CCDC148: variants seen among roughly 807,000 people sequenced by gnomAD.
CCDC148 encodes coiled-coil domain containing 148, also known as coiled-coil domain-containing protein 148.
In CCDC148, 89 loss-of-function variants were observed where a neutral mutation model predicts 85.7. That is an observed-to-expected ratio of 1.04 (90% CI 0.87 to 1.24). The LOEUF is 1.24. CCDC148 is among the 50% of genes most tolerant of loss of function. CCDC148 has a pLI of 0.00. For synonymous variants in CCDC148, 230 were observed against 213.9 expected, an observed-to-expected ratio of 1.08 and a Z score of -0.66; for missense variants, 692 against 671.7, an observed-to-expected ratio of 1.03 and a Z score of -0.33.
At chr2:158,340,526 A>C in intron 4 of CCDC148, 72 bp downstream of exon 4, 2 of 1,383,148 alleles carry the variant, frequency 1.4e-6, no homozygotes, top group Non-Finnish European at 2.0e-6. Context: ...TTAAAAGAAC[A>C]TGAAGTGAGT....
In CCDC148 at chr2:158,193,845, C is replaced by T. The variant is rs187492662; in HGVS notation, c.1371-14849G>A. 3.1e-3 allele frequency among the ~76,000 whole-genome samples: 448 copies of T among 144,288 alleles called. 2 individuals are homozygous for T. Among genetic ancestry groups the T allele is most frequent in the African/African-American group, 0.011 (416 of 38,462 alleles). The allele number at this position is 144,288 out of a possible 152,430, so 94.7% of individuals were successfully genotyped here. ...TACAATTTTACATAAGGTATATCTCCTAATGCTATCCCTCCCCCCACCCCA... is the reference window on the plus strand; with the variant it reads ...TACAATTTTACATAAGGTATATCTCTTAATGCTATCCCTCCCCCCACCCCA... On this transcript the variant is annotated intron_variant, in intron 11 of 13. Coordinates refer to ENST00000283233, the MANE Select transcript of CCDC148 (RefSeq NM_138803.4).
intron 9 of CCDC148, among the ~76,000 whole-genome samples, chr2:158,259,531 C>T (rs1689135977): frequency 6.6e-6 from 1 of 151,938 alleles, no homozygotes; most frequent in South Asian, 2.1e-4. Context: ...AGCTGACATT[C>T]CTGACTTCAG....
intron 1 of CCDC148, among the ~76,000 whole-genome samples, chr2:158,388,517 G>T (rs1304315729): frequency 6.6e-6 from 1 of 151,700 alleles, no homozygotes; most frequent in Non-Finnish European, 1.5e-5. Context: ...ATTTTGAGAC[G>T]GAGCTTCACT....
At chr2:158,228,980 A>G (rs1687711439) in intron 10 of CCDC148, among the ~76,000 whole-genome samples, 1 of 20,582 alleles carries the variant, frequency 4.9e-5, no homozygotes, top group Non-Finnish European at 8.1e-5. Flanking sequence ...AAAAAAAAAG[A>G]AAATGAAAGA....
intron 1 of CCDC148, among the ~76,000 whole-genome samples, chr2:158,446,139 G>C (rs1187861682): frequency 4.6e-5 from 7 of 152,136 alleles, no homozygotes; most frequent in Non-Finnish European, 8.8e-5. Context: ...TTTGAGGCTA[G>C]GGGTTTAAGA....
chr2:158,393,026 T>G (rs1190113258), intron 1 of CCDC148, among the ~76,000 whole-genome samples: 2 of 152,120 alleles, frequency 1.3e-5, no homozygotes, highest in East Asian at 3.9e-4. Flanking sequence ...TTTAAGATAC[T>G]TGTCCATCTT....
intron 10 of CCDC148, among the ~76,000 whole-genome samples, chr2:158,240,336 C>T (rs1284131684): frequency 3.3e-5 from 5 of 151,690 alleles, no homozygotes; most frequent in Admixed American, 1.3e-4. Flanking sequence ...TTTTTGTGTT[C>T]ACATTTCAGG....
intron 1 of CCDC148, among the ~76,000 whole-genome samples, chr2:158,382,985 C>T (rs13427788): frequency 5.9e-5 from 9 of 151,408 alleles, no homozygotes; most frequent in Admixed American, 5.3e-4. Context: ...CAGTTTTACA[C>T]GTAAAAAAGT....
chr2:158,216,586 T>C (rs971655498), intron 11 of CCDC148, among the ~76,000 whole-genome samples: 1 of 151,918 alleles, frequency 6.6e-6, no homozygotes. Context: ...CATTTAATAA[T>C]ATAATACCAT....
chr2:158,320,759 C>G (rs950035513), intron 7 of CCDC148, among the ~76,000 whole-genome samples: 1 of 151,838 alleles, frequency 6.6e-6, no homozygotes, highest in Non-Finnish European at 1.5e-5. Flanking sequence ...GAATAGAAAC[C>G]CCTTATAAAT....
chr2:158,172,401 AT>A, intron 13 of CCDC148, 142 bp from the exon 14 acceptor site: 1 of 649,256 alleles, frequency 1.5e-6, no homozygotes, highest in Non-Finnish European at 2.6e-6. Flanking sequence ...CAGTGACTAT[AT>A]TTTGGAAACA....
intron 3 of CCDC148, among the ~76,000 whole-genome samples, chr2:158,343,363 A>T (rs1487427611): frequency 6.6e-6 from 1 of 152,170 alleles, no homozygotes; most frequent in African/African-American, 2.4e-5. Flanking sequence ...CTACAAATTA[A>T]CTTTCATCAT....
chr2:158,349,676 C>A (rs916489839), intron 2 of CCDC148, among the ~76,000 whole-genome samples: 1 of 151,850 alleles, frequency 6.6e-6, no homozygotes, highest in African/African-American at 2.4e-5. Context: ...AACTTGCCAC[C>A]TCTAAATTAA....
At chr2:158,308,138 G>T (rs552260118) in intron 9 of CCDC148, among the ~76,000 whole-genome samples, 1 of 152,268 alleles carries the variant, frequency 6.6e-6, no homozygotes, top group African/African-American at 2.4e-5. Flanking sequence ...CTTTTTGGTT[G>T]AACCATATGA....
chr2:158,326,448 TTC>T (rs1692781490), intron 7 of CCDC148, among the ~76,000 whole-genome samples: 1 of 152,328 alleles, frequency 6.6e-6, no homozygotes, highest in Admixed American at 6.5e-5. Flanking sequence ...TTCAGCATGT[TTC>T]TGTTTCATGA....
chr2:158,365,769 A>G lies in CCDC148; in HGVS notation c.26-7199T>C, dbSNP rs1428900717. ...GTGTATACCTATGTAACAAACCTTC[A>G]CATTCTGTACATGTACCCCAGAACT... On this transcript the variant is annotated intron_variant, in intron 1 of 13. Transcript: ENST00000283233. 3.3e-5 allele frequency among the ~76,000 whole-genome samples: 5 copies of G among 152,250 alleles called. No individual in the cohort carries two copies. The East Asian group carries it at 9.7e-4, about 29-fold the overall frequency.
At position 158,201,283 on chromosome 2, in the gene CCDC148, C is replaced by T. The variant is rs192374650; in HGVS notation, c.1370+19312G>A. 1.4e-3 allele frequency among the ~76,000 whole-genome samples: 216 copies of T among 152,108 alleles called. 2 individuals are homozygous for T. In the Middle Eastern group the frequency reaches 0.017, roughly 12 times the overall value. ...TATGTCAATTTATATGTAAATATTT[C>T]GAAGTCTCAATACCAGTGTTACCAA... On this transcript the variant is annotated intron_variant, in intron 11 of 13. Coordinates refer to ENST00000283233, the MANE Select transcript of CCDC148 (RefSeq NM_138803.4).
At chr2:158,282,957 C>A (rs535215175) in intron 9 of CCDC148, among the ~76,000 whole-genome samples, 67 of 152,100 alleles carry the variant, frequency 4.4e-4, no homozygotes, top group Non-Finnish European at 7.6e-4. Flanking sequence ...CAGAACAGAG[C>A]CCTCGGAAAT....
chr2:158,352,314 G>C (rs1460571939), intron 2 of CCDC148, among the ~76,000 whole-genome samples: 1 of 151,824 alleles, frequency 6.6e-6, no homozygotes, highest in African/African-American at 2.4e-5. Context: ...AGGGAAAGAA[G>C]TTGAAAACTT....
Sources: allele counts gnomAD v4.1 joint callset (sites outside exome capture counted in the v4.1 genomes callset), GRCh38; gene constraint gnomAD v4.1.1; transcripts MANE v1.5; gene names NCBI Gene and HGNC (gene_info 2026-07-23, HGNC 2026-07-21).